The following KMO variants were observed in gnomAD, a reference collection of about 807,000 sequenced individuals.
KMO encodes the protein kynurenine 3-hydroxylase.
A neutral mutation model predicts 57.8 loss-of-function variants in KMO; 24 were observed. That is an observed-to-expected ratio of 0.42 (90% CI 0.30 to 0.58). KMO has a LOEUF of 0.58. Ranked by LOEUF, KMO falls within the 20% of genes least tolerant of loss-of-function variation. The pLI is 0.22. For synonymous variants in KMO, 210 were observed against 193.6 expected (o/e 1.08, Z -0.70); for missense variants, 483 against 588.2 (o/e 0.82, Z 1.85).
At chr1:241,549,011 C>A (rs1214807063) in intron 2 of KMO, 113 bp downstream of exon 2, 13 of 667,600 alleles carry the variant, frequency 1.9e-5, no homozygotes, top group Non-Finnish European at 3.5e-5. Context: ...CCAGCCTGGG[C>A]AACATGGCAA....
rs143172110 is a variant in KMO, at chr1:241,591,963, A to C, written c.1271A>C (p.Lys424Thr). 5 of 1,613,562 alleles carry C rather than the reference A, an allele frequency of 3.1e-6. No homozygotes were observed. The highest frequency in any genetic ancestry group is 3.4e-6 in the Non-Finnish European group (4 of 1,179,542). Residue 424 changes from lysine to threonine, a missense_variant, in exon 15 of 15, where the codon AAA becomes ACA. Coordinates refer to ENST00000366559, the MANE Select transcript of KMO (RefSeq NM_003679.5). ...CTTGCTGTCTTACAGGTGATAAACA[A>C]AGGACTCTTTTTCTTGGGATCACTG... ...RWHWQKKVIN[K>T]GLFFLGSLIA... is the part of the protein sequence containing the mutation.
intron 10 of KMO, among the ~76,000 whole-genome samples, chr1:241,586,189 GTC>G (rs1356657371): frequency 2.4e-5 from 3 of 122,690 alleles, no homozygotes; most frequent in African/African-American, 8.9e-5. Context: ...GAAGTCTATG[GTC>G]TTTTTTTTTT....
chr1:241,543,393 T>G (rs1661024755), intron 1 of KMO, among the ~76,000 whole-genome samples: 1 of 152,240 alleles, frequency 6.6e-6, no homozygotes, highest in Non-Finnish European at 1.5e-5. Flanking sequence ...TGTTTTCATT[T>G]TGTATCATGC....
At chr1:241,577,294 G>A (rs1226044193) in intron 10 of KMO, among the ~76,000 whole-genome samples, 2 of 152,046 alleles carry the variant, frequency 1.3e-5, no homozygotes, top group African/African-American at 4.8e-5. Flanking sequence ...TTTTGGGGTT[G>A]TTATAGAACC....
intron 7 of KMO, among the ~76,000 whole-genome samples, chr1:241,563,737 C>T (rs1013173074): frequency 5.3e-5 from 8 of 152,156 alleles, no homozygotes; most frequent in African/African-American, 1.9e-4. Flanking sequence ...AAAAATGTCT[C>T]CACTCTTTTA....
intron 1 of KMO, among the ~76,000 whole-genome samples, chr1:241,546,544 G>A (rs750537433): frequency 2.0e-5 from 3 of 152,180 alleles, no homozygotes; most frequent in Non-Finnish European, 4.4e-5. Context: ...AGGCAGAAAG[G>A]TGAAAATGAA....
chr1:241,563,790 C>A (rs1188896596), intron 7 of KMO, among the ~76,000 whole-genome samples: 1 of 152,172 alleles, frequency 6.6e-6, no homozygotes, highest in Non-Finnish European at 1.5e-5. Flanking sequence ...GACATGGGAG[C>A]ATTTTGACAT....
At chr1:241,567,658 A>G (rs765894725) in intron 9 of KMO, among the ~76,000 whole-genome samples, 8 of 152,196 alleles carry the variant, frequency 5.3e-5, no homozygotes, top group Non-Finnish European at 1.0e-4. Flanking sequence ...AAATGAGCTA[A>G]TTATGTAAAA....
intron 1 of KMO, among the ~76,000 whole-genome samples, chr1:241,539,532 G>C (rs775231319): frequency 6.6e-6 from 1 of 152,168 alleles, no homozygotes; most frequent in African/African-American, 2.4e-5. Flanking sequence ...ATCAAATCTG[G>C]AGTGTATTCA....
rs1489129599 is a variant in KMO, at chr1:241,595,166, A to G, written c.*3013A>G. ...ATTAGGTGAAGAATTTTTTTTTTCT[A>G]TCGAAATTACTAATCAGTTGGGGAA... is the stretch of plus-strand genomic sequence containing the variant. On this transcript the variant is annotated 3_prime_UTR_variant, in exon 15 of 15. Transcript: ENST00000366559. The G allele has an allele frequency of 1.3e-5, 2 of 152,886 alleles. No individual in the cohort carries two copies. The highest frequency in any genetic ancestry group is 2.1e-4 in the South Asian group (1 of 4,870). The allele number at this position is 152,886 out of a possible 1,614,324, so 9.5% of individuals were successfully genotyped here.
At chr1:241,552,012 A>AGG (rs34909646) in intron 4 of KMO, among the ~76,000 whole-genome samples, 69,832 of 151,850 alleles carry the variant, frequency 0.46, 16,342 homozygotes, top group Admixed American at 0.57. Context: ...GTCCTGAGGA[A>AGG]GGCCAAGTCA....
At chr1:241,549,813 T>C in intron 3 of KMO, 39 bp downstream of exon 3, 2 of 1,227,890 alleles carry the variant, frequency 1.6e-6, no homozygotes, top group Non-Finnish European at 2.4e-6. Flanking sequence ...TAATACCTGG[T>C]ATTTTTCAAC....
intron 11 of KMO, among the ~76,000 whole-genome samples, chr1:241,588,062 A>G (rs990047973): frequency 2.0e-5 from 3 of 152,188 alleles, no homozygotes; most frequent in Non-Finnish European, 4.4e-5. Context: ...TGACTTGCCA[A>G]CTTATTAACT....
chr1:241,588,227 A>T (rs1334449209), intron 11 of KMO, among the ~76,000 whole-genome samples: 1 of 151,944 alleles, frequency 6.6e-6, no homozygotes, highest in South Asian at 2.1e-4. Flanking sequence ...AAGTAAGTTC[A>T]TAGTATATGT....
chr1:241,564,269 G>T (rs1661992559), intron 7 of KMO, among the ~76,000 whole-genome samples: 1 of 152,106 alleles, frequency 6.6e-6, no homozygotes, highest in Non-Finnish European at 1.5e-5. Context: ...AAAGTTGATT[G>T]CATATTTCTA....
chr1:241,558,838 C>A (rs1184308029), intron 5 of KMO, among the ~76,000 whole-genome samples: 1 of 150,914 alleles, frequency 6.6e-6, no homozygotes, highest in Non-Finnish European at 1.5e-5. Context: ...CTAGGCCAGG[C>A]GCAGTGGCTC....
chr1:241,566,552 G>GTAA lies in KMO; in HGVS notation c.751_753dup (p.Asn251dup), dbSNP rs1259373010. 6.2e-7 allele frequency: 1 copy of GTAA among 1,613,344 alleles called. No homozygotes were observed. Among genetic ancestry groups the GTAA allele is most frequent in the African/African-American group, 1.3e-5 (1 of 74,906 alleles). On this transcript the variant is annotated inframe_insertion, in exon 9 of 15. Transcript: ENST00000366559. ...GAAGAGTTTGAAAAACTTCTAACCA[G>GTAA]TAATGATGTGGTAGATTTCTTCCAG...
At chr1:241,591,231 G>A (rs1177876788) in intron 14 of KMO, among the ~76,000 whole-genome samples, 1 of 152,086 alleles carries the variant, frequency 6.6e-6, no homozygotes, top group Admixed American at 6.6e-5. Flanking sequence ...AATAGGCCAG[G>A]CAAATCCTTC....
At chr1:241,537,727 T>C (rs10926511) in intron 1 of KMO, among the ~76,000 whole-genome samples, 4,050 of 152,204 alleles carry the variant, frequency 0.027, 124 homozygotes, top group East Asian at 0.099. Context: ...TCTTACATGG[T>C]GGCAGGCAAG....
Sources: gnomAD v4.1 joint callset for allele counts (sites outside exome capture counted in the v4.1 genomes callset) on GRCh38, gnomAD v4.1.1 for gene constraint, MANE v1.5 for transcripts, NCBI Gene and HGNC (gene_info 2026-07-23, HGNC 2026-07-21) for gene names.